AGBL1: variants seen among roughly 807,000 people sequenced by gnomAD.
AGBL1 encodes the protein cytosolic carboxypeptidase 4.
Under a neutral mutation model 118.9 loss-of-function variants are expected in AGBL1, and 130 were observed. That is an observed-to-expected ratio of 1.09 (90% CI 0.95 to 1.26). The LOEUF (loss-of-function observed/expected upper bound fraction) is 1.26, where lower values mean the gene tolerates loss of function less well. Ranked by LOEUF, AGBL1 falls within the 50% of genes most tolerant of loss-of-function variation. The pLI, the probability that AGBL1 is intolerant of heterozygous loss-of-function variation, is 0.00. For missense variants in AGBL1, 1,584 were observed against 1,298.1 expected (o/e 1.22, Z -3.38); for synonymous variants, 555 against 478.9 (o/e 1.16, Z -2.08).
At chr15:86,134,914 T>G (rs2076869009) in intron 1 of AGBL1, among the ~76,000 whole-genome samples, 1 of 135,564 alleles carries the variant, frequency 7.4e-6, no homozygotes, top group African/African-American at 2.6e-5. Flanking sequence ...TGCCAGCCAA[T>G]GGTGCCTATT....
At chr15:86,080,590 G>A (rs1422664109) in intron 1 of AGBL1, among the ~76,000 whole-genome samples, 1 of 152,186 alleles carries the variant, frequency 6.6e-6, no homozygotes, top group Non-Finnish European at 1.5e-5. Context: ...CCTTCTCCCT[G>A]GGGGATGCTA....
chr15:86,673,507 G>T (rs2085782240), intron 21 of AGBL1, among the ~76,000 whole-genome samples: 1 of 152,138 alleles, frequency 6.6e-6, no homozygotes, highest in Admixed American at 6.6e-5. Flanking sequence ...TAGATGCTAG[G>T]CCTTGGATAA....
chr15:86,774,737 G>C (rs2078228703), intron 22 of AGBL1, among the ~76,000 whole-genome samples: 1 of 152,160 alleles, frequency 6.6e-6, no homozygotes, highest in East Asian at 1.9e-4. Flanking sequence ...GTTCTGAGAA[G>C]TGCTACAATA....
intron 1 of AGBL1, among the ~76,000 whole-genome samples, chr15:86,097,806 T>C (rs781184492): frequency 4.6e-5 from 7 of 152,084 alleles, no homozygotes; most frequent in Non-Finnish European, 7.4e-5. Context: ...CTTTGATATA[T>C]AGATTTTCTT....
chr15:86,556,142 T>C (rs2083730396), intron 21 of AGBL1: 1 of 1,202,248 alleles, frequency 8.3e-7, no homozygotes, highest in Non-Finnish European at 1.2e-6. Context: ...ATAAATCAGC[T>C]GGAAACTCAA....
chr15:86,218,447 G>A (rs529541278), intron 5 of AGBL1, among the ~76,000 whole-genome samples: 68 of 152,242 alleles, frequency 4.5e-4, no homozygotes, highest in Middle Eastern at 3.4e-3. Flanking sequence ...ACTCTCAGGT[G>A]GCCCCCTGCC....
intron 22 of AGBL1, among the ~76,000 whole-genome samples, chr15:86,870,847 G>C (rs139517148): frequency 6.6e-6 from 1 of 152,176 alleles, no homozygotes; most frequent in South Asian, 2.1e-4. Flanking sequence ...TATTGGATCT[G>C]ATCTTTCAGT....
intron 1 of AGBL1, among the ~76,000 whole-genome samples, chr15:86,111,541 A>T (rs1262205265): frequency 3.3e-5 from 5 of 152,218 alleles, no homozygotes; most frequent in African/African-American, 1.2e-4. Context: ...CTGAAGCCTC[A>T]TGGCTGTTTC....
chr15:86,808,424 G>A (rs1003760499), intron 22 of AGBL1, among the ~76,000 whole-genome samples: 1 of 152,110 alleles, frequency 6.6e-6, no homozygotes, highest in Non-Finnish European at 1.5e-5. Context: ...CATCTCATTA[G>A]TTTTCCCTCA....
At chr15:87,028,713 G>C (rs1357132966) in intron 24 of AGBL1, 4 of 888,280 alleles carry the variant, frequency 4.5e-6, no homozygotes, top group African/African-American at 1.7e-5. Context: ...ATCCATAGAT[G>C]AGGAAAATGA....
intron 22 of AGBL1, among the ~76,000 whole-genome samples, chr15:86,881,397 T>G (rs867500183): frequency 1.3e-5 from 2 of 152,122 alleles, no homozygotes; most frequent in South Asian, 4.1e-4. Flanking sequence ...AATCTGTCAT[T>G]TTAGTTTGGA....
intron 17 of AGBL1, among the ~76,000 whole-genome samples, chr15:86,314,847 T>A (rs1003328670): frequency 6.6e-6 from 1 of 152,178 alleles, no homozygotes; most frequent in Non-Finnish European, 1.5e-5. Flanking sequence ...CAAGGGCATG[T>A]TTTCCAGGAA....
chr15:86,218,463 C>T (rs1042341318), intron 5 of AGBL1, among the ~76,000 whole-genome samples: 2 of 152,132 alleles, frequency 1.3e-5, no homozygotes, highest in Non-Finnish European at 2.9e-5. Flanking sequence ...CTGCCATGAT[C>T]CTCACCTCCT....
chr15:86,547,121 C>T (rs1160855492), intron 20 of AGBL1, among the ~76,000 whole-genome samples: 6 of 152,124 alleles, frequency 3.9e-5, no homozygotes, highest in Non-Finnish European at 8.8e-5. Flanking sequence ...ATAGCAGAAT[C>T]AACAGCTTAT....
intron 16 of AGBL1, among the ~76,000 whole-genome samples, chr15:86,283,649 C>A (rs777367802): frequency 2.0e-5 from 3 of 152,028 alleles, no homozygotes; most frequent in Non-Finnish European, 4.4e-5. Context: ...TGTGGCATAT[C>A]GAAGATGCAA....
intron 17 of AGBL1, among the ~76,000 whole-genome samples, chr15:86,323,053 G>A (rs2080128870): frequency 6.6e-6 from 1 of 152,004 alleles, no homozygotes; most frequent in South Asian, 2.1e-4. Context: ...GGGGTTGGCA[G>A]GAAACTCTCA....
At chr15:86,628,171 C>T (rs2142428543) in intron 21 of AGBL1, among the ~76,000 whole-genome samples, 1 of 152,220 alleles carries the variant, frequency 6.6e-6, no homozygotes, top group Admixed American at 6.5e-5. Context: ...CTTGCTGGGC[C>T]CCACCCCTAG....
chr15:86,563,756 G>A (rs747993761), intron 21 of AGBL1, among the ~76,000 whole-genome samples: 3 of 152,250 alleles, frequency 2.0e-5, no homozygotes, highest in African/African-American at 7.2e-5. Flanking sequence ...TAATTATTAT[G>A]TGGGAGTCTA....
intron 18 of AGBL1, among the ~76,000 whole-genome samples, chr15:86,487,180 G>C (rs1478198983): frequency 6.6e-6 from 1 of 152,024 alleles, no homozygotes; most frequent in Non-Finnish European, 1.5e-5. Flanking sequence ...AGGAATAAAG[G>C]GATGGCAAAG....
Sources: gnomAD v4.1 joint callset for allele counts (sites outside exome capture counted in the v4.1 genomes callset) on GRCh38, gnomAD v4.1.1 for gene constraint, MANE v1.5 for transcripts, NCBI Gene and HGNC (gene_info 2026-07-23, HGNC 2026-07-21) for gene names.